EXD3: variants seen among roughly 807,000 people sequenced by gnomAD.
The protein encoded by EXD3 is exonuclease 3'-5' domain containing 3.
EXD3 carries 92 observed loss-of-function variants against 98.0 expected under a neutral mutation model. The ratio of observed to expected loss-of-function variants is 0.94; its 90% CI spans 0.79 to 1.12. The LOEUF (loss-of-function observed/expected upper bound fraction) is 1.12, where lower values mean the gene tolerates loss of function less well. Ranked by LOEUF, EXD3 falls within the 50% of genes most tolerant of loss-of-function variation. The probability of loss-of-function intolerance (pLI) is 0.00; values close to 1 mark genes in which losing one functional copy is unlikely to be tolerated. For missense variants in EXD3, 1,222 were observed against 1,191.6 expected (o/e 1.03, Z -0.38); for synonymous variants, 569 against 526.0 (o/e 1.08, Z -1.12).
chr9:137,326,267 A>T (rs1846930516), intron 17 of EXD3, among the ~76,000 whole-genome samples: 1 of 152,234 alleles, frequency 6.6e-6, no homozygotes, highest in Non-Finnish European at 1.5e-5. Context: ...CTCAGGGTGG[A>T]GACGTCGGTA....
At chr9:137,358,069 C>T (rs370478239) in intron 7 of EXD3, among the ~76,000 whole-genome samples, 11 of 152,162 alleles carry the variant, frequency 7.2e-5, no homozygotes, top group African/African-American at 2.2e-4. Flanking sequence ...CCTTTGGCAA[C>T]ACCCTCACAG....
intron 3 of EXD3, 94 bp from the exon 4 acceptor site, chr9:137,373,693 T>G: frequency 7.3e-7 from 1 of 1,361,352 alleles, no homozygotes; most frequent in Non-Finnish European, 9.9e-7. Context: ...TAAAATTTAA[T>G]CCATTCAGAA....
rs1212977966 is a variant in EXD3, at chr9:137,330,634, ACTACACAGGAG to A, written c.1999-6502_1999-6492del. The stretch of plus-strand genomic sequence containing the variant: ...CAGGACTACACAGGAACTACACAGG[ACTACACAGGAG>A]CTACACAGGACTGATGGACTTCTCG... On this transcript the variant is annotated intron_variant, in intron 17 of 21. Transcript: ENST00000340951. Among the ~76,000 whole-genome samples, 16 of 110,106 alleles carry A rather than the reference ACTACACAGGAG, an allele frequency of 1.5e-4. 1 individual carries two copies. Among genetic ancestry groups the A allele is most frequent in the African/African-American group, 4.4e-4 (15 of 33,988 alleles). The allele number at this position is 110,106 out of a possible 152,430, so 72.2% of individuals were successfully genotyped here. A position where few individuals can be genotyped will look rare whatever the true frequency, so the allele number is the denominator to read the frequency against.
intron 5 of EXD3, among the ~76,000 whole-genome samples, chr9:137,369,060 C>A (rs1835441907): frequency 1.5e-5 from 2 of 132,642 alleles, no homozygotes; most frequent in African/African-American, 2.9e-5. Flanking sequence ...GACGCAGGAC[C>A]CGGGGAGGGG....
intron 1 of EXD3, among the ~76,000 whole-genome samples, chr9:137,411,405 G>A (rs1170161250): frequency 2.0e-5 from 3 of 151,954 alleles, no homozygotes; most frequent in East Asian, 1.9e-4. Context: ...TGGGAGGCCT[G>A]GCCAGACACC....
chr9:137,386,351 C>T (rs1227117151), intron 2 of EXD3, among the ~76,000 whole-genome samples: 6 of 152,056 alleles, frequency 3.9e-5, no homozygotes, highest in African/African-American at 1.4e-4. Flanking sequence ...TTCTCCAAAT[C>T]GAGATCCACC....
chr9:137,339,093 T>C (rs1833520376), intron 17 of EXD3, among the ~76,000 whole-genome samples: 2 of 151,494 alleles, frequency 1.3e-5, no homozygotes, highest in Admixed American at 1.3e-4. Flanking sequence ...TCCAGAAAAA[T>C]TATAAATTAC....
At chr9:137,391,168 C>T (rs1237366064) in intron 2 of EXD3, among the ~76,000 whole-genome samples, 1 of 152,250 alleles carries the variant, frequency 6.6e-6, no homozygotes, top group Non-Finnish European at 1.5e-5. Context: ...CACAGCCCAC[C>T]AGTGAGGCCT....
intron 1 of EXD3, among the ~76,000 whole-genome samples, chr9:137,398,121 G>A (rs1418717111): frequency 6.6e-6 from 1 of 152,262 alleles, no homozygotes; most frequent in Non-Finnish European, 1.5e-5. Context: ...GTGGATGGCA[G>A]ATGAGTCAGT....
intron 17 of EXD3, among the ~76,000 whole-genome samples, chr9:137,346,918 G>A (rs1833967463): frequency 6.6e-6 from 1 of 152,104 alleles, no homozygotes; most frequent in Non-Finnish European, 1.5e-5. Flanking sequence ...CCGGGTTCAA[G>A]CAATTCTCTG....
intron 1 of EXD3, among the ~76,000 whole-genome samples, chr9:137,409,353 C>T (rs1239744715): frequency 6.6e-6 from 1 of 152,250 alleles, no homozygotes; most frequent in African/African-American, 2.4e-5. Flanking sequence ...TTAGACTTAG[C>T]CTCCAGAGCT....
intron 17 of EXD3, among the ~76,000 whole-genome samples, chr9:137,328,581 GCTACACGGGACTACACGGGA>G (rs1370011653): frequency 0.36 from 37,307 of 103,216 alleles, 8,332 homozygotes; most frequent in East Asian, 0.51. Flanking sequence ...TTACACAGGA[GCTACACGGGACTACACGGGA>G]CTACACGGGG....
At chr9:137,381,975 G>A (rs1294671619) in intron 3 of EXD3, among the ~76,000 whole-genome samples, 1 of 151,554 alleles carries the variant, frequency 6.6e-6, no homozygotes, top group Non-Finnish European at 1.5e-5. Context: ...GAGGAGGTGG[G>A]AGCACGCAGA....
At chr9:137,320,226 C>T (rs990846190) in intron 19 of EXD3, among the ~76,000 whole-genome samples, 3 of 152,234 alleles carry the variant, frequency 2.0e-5, no homozygotes, top group Non-Finnish European at 2.9e-5. Context: ...CCCTTCCCCA[C>T]GTCCTGCCCC....
intron 17 of EXD3, among the ~76,000 whole-genome samples, chr9:137,345,419 C>T (rs1020487618): frequency 7.9e-5 from 12 of 152,054 alleles, no homozygotes; most frequent in Admixed American, 2.0e-4. Flanking sequence ...CTCAGCACTT[C>T]GGGAGGCCGA....
intron 3 of EXD3, among the ~76,000 whole-genome samples, chr9:137,376,501 C>T (rs117544483): frequency 6.6e-6 from 1 of 152,068 alleles, no homozygotes; most frequent in Non-Finnish European, 1.5e-5. Context: ...AGTAGATTTA[C>T]GGCCCAAAGT....
chr9:137,398,525 A>C (rs1056693717), intron 1 of EXD3, among the ~76,000 whole-genome samples: 3 of 149,276 alleles, frequency 2.0e-5, no homozygotes, highest in African/African-American at 7.6e-5. Context: ...CCATGTCCCC[A>C]AGACACACAG....
rs1342643282 is a variant in EXD3 at position 137,403,434 on chromosome 9, GCAGC to G, written c.-47-8034_-47-8031del. Among the ~76,000 whole-genome samples the G allele has an allele frequency of 6.6e-6, 1 of 151,102 alleles. No individual in the cohort carries two copies. Among genetic ancestry groups the G allele is most frequent in the Non-Finnish European group, 1.5e-5 (1 of 67,852 alleles). On this transcript the variant is annotated intron_variant, in intron 1 of 21. Coordinates refer to ENST00000340951, the MANE Select transcript of EXD3 (RefSeq NM_017820.5). The surrounding 1 kb of genome is among the most constrained non-coding windows in gnomAD (Gnocchi z 6.1). ...CCCCACCCCCAGCCCAGCAGCAGCAGCAGCCAGCACACCCTGGCCCAGGGTCTCC... is the reference window on the plus strand; with the variant it reads ...CCCCACCCCCAGCCCAGCAGCAGCAGCAGCACACCCTGGCCCAGGGTCTCC...
chr9:137,420,022 T>A (rs1012517564), intron 1 of EXD3, among the ~76,000 whole-genome samples: 2 of 152,042 alleles, frequency 1.3e-5, no homozygotes, highest in Non-Finnish European at 2.9e-5. Flanking sequence ...TAGCCGGGCA[T>A]GGTGGCAGGT....
Sources: allele counts gnomAD v4.1 joint callset (sites outside exome capture counted in the v4.1 genomes callset), GRCh38; gene constraint gnomAD v4.1.1; non-coding constraint Gnocchi (gnomAD v3.1); transcripts MANE v1.5; gene names NCBI Gene and HGNC (gene_info 2026-07-23, HGNC 2026-07-21).